H2BC12: variants seen among roughly 807,000 people sequenced by gnomAD.
H2BC12 encodes H2B clustered histone 12, also known as histone H2B type 1-K.
H2BC12 carries 6 observed loss-of-function variants against 6.3 expected under a neutral mutation model. The ratio of observed to expected loss-of-function variants is 0.95; its 90% CI spans 0.52 to 1.87. The LOEUF is 1.87. Among genes scored for constraint, H2BC12 ranks in the 40% most tolerant of loss-of-function variants. H2BC12 has a pLI of 0.01. For synonymous variants in H2BC12, 132 were observed against 78.5 expected (o/e 1.68, Z -3.60); for missense variants, 119 against 178.4 (o/e 0.67, Z 1.90).
the H2BC12 span, chr6:27,139,472 C>A: frequency 1.2e-6 from 2 of 1,614,170 alleles, no homozygotes; most frequent in Non-Finnish European, 1.7e-6. Flanking sequence ...TATGAGGAGA[C>A]CCGCGGAGTG....
the H2BC12 span, chr6:27,139,380 C>T: frequency 1.2e-6 from 2 of 1,614,242 alleles, no homozygotes; most frequent in South Asian, 1.1e-5. Context: ...AGGTGCTGCG[C>T]GACAACATCC....
the H2BC12 span, chr6:27,139,245 A>C: frequency 6.6e-7 from 1 of 1,515,736 alleles, no homozygotes; most frequent in Non-Finnish European, 8.9e-7. Flanking sequence ...TGGTCCGCAG[A>C]GGTTACCCAT....
chr6:27,139,306 A>G, the H2BC12 span: 6 of 1,601,400 alleles, frequency 3.7e-6, no homozygotes, highest in African/African-American at 4.0e-5. Context: ...TGACCACTTG[A>G]TAATGTCAGG....
chr6:27,142,366 G>A (rs371396521), downstream of H2BC12, among the ~76,000 whole-genome samples: 96 of 151,638 alleles, frequency 6.3e-4, 1 homozygote, highest in African/African-American at 2.1e-3. Context: ...TCCGCCTCCC[G>A]GGTTCAAGCA....
At chr6:27,142,615 A>T (rs11753378), downstream of H2BC12, among the ~76,000 whole-genome samples, 1,891 of 143,190 alleles carry the variant, frequency 0.013, 48 homozygotes, top group African/African-American at 0.044. Flanking sequence ...TACATGTATG[A>T]CGTATTACAT....
At chr6:27,139,665 G>A in the H2BC12 span, 1 of 1,562,810 alleles carries the variant, frequency 6.4e-7, no homozygotes, top group Non-Finnish European at 8.6e-7. Flanking sequence ...GCCCTTTTTA[G>A]GGCCCCTAAG....
At chr6:27,138,582 T>A in the H2BC12 span, 1 of 152,376 alleles carries the variant, frequency 6.6e-6, no homozygotes, top group South Asian at 2.1e-4. Context: ...ATTCTCGTCT[T>A]CTTTTCTGCA....
chr6:27,141,153 G>A, the H2BC12 span, among the ~76,000 whole-genome samples: 4 of 151,996 alleles, frequency 2.6e-5, no homozygotes, highest in African/African-American at 7.3e-5. Flanking sequence ...CATCAAGAGC[G>A]AGCTAAGGGA....
downstream of H2BC12, among the ~76,000 whole-genome samples, chr6:27,145,181 G>T (rs569906810): frequency 3.2e-4 from 48 of 152,236 alleles, no homozygotes; most frequent in African/African-American, 1.2e-3. Flanking sequence ...GATCAACAGT[G>T]AACATATGCT....
downstream of H2BC12, among the ~76,000 whole-genome samples, chr6:27,143,780 T>C (rs1760035656): frequency 6.6e-6 from 1 of 150,558 alleles, no homozygotes; most frequent in Non-Finnish European, 1.5e-5. Flanking sequence ...GCTGTAACAA[T>C]TGCTAGATTG....
chr6:27,145,913 G>A (rs1411428771), downstream of H2BC12, among the ~76,000 whole-genome samples: 1 of 152,196 alleles, frequency 6.6e-6, no homozygotes, highest in African/African-American at 2.4e-5. Flanking sequence ...GCAAGGCAGA[G>A]CTGGGTACAG....
chr6:27,143,846 T>TTA (rs1554184251), downstream of H2BC12, among the ~76,000 whole-genome samples: 1 of 113,628 alleles, frequency 8.8e-6, no homozygotes, highest in Non-Finnish European at 1.8e-5. Context: ...AACTACTCTT[T>TTA]AAAAAAAAAA....
downstream of H2BC12, among the ~76,000 whole-genome samples, chr6:27,144,669 C>T (rs954370442): frequency 9.9e-5 from 15 of 152,030 alleles, no homozygotes; most frequent in Non-Finnish European, 1.8e-4. Flanking sequence ...ATGATATGTC[C>T]ATTTGCAAAA....
chr6:27,139,489 G>T, the H2BC12 span: 1 of 1,614,174 alleles, frequency 6.2e-7, no homozygotes, highest in South Asian at 1.1e-5. Context: ...AGTGTTGAAG[G>T]TGTTCCTGGA....
chr6:27,146,276 A>C, downstream of H2BC12: 1 of 1,376,480 alleles, frequency 7.3e-7, no homozygotes, highest in African/African-American at 1.4e-5. Flanking sequence ...TCAGTGTGAT[A>C]AGATCATGAT....
rs376697914 is a variant in H2BC12 at position 27,146,823 on chromosome 6, G to C, written c.-25C>G. 2 of 1,609,218 alleles carry C rather than the reference G, an allele frequency of 1.2e-6. No homozygotes were observed. The highest frequency in any genetic ancestry group is 8.5e-7 in the Non-Finnish European group (1 of 1,177,734). On this transcript the variant is annotated 5_prime_UTR_variant, in exon 1 of 1. Transcript: ENST00000356950. Reference sequence around the variant, plus strand: ...TGTTGAAGGCGAACTACGAGCCTGAGACGAGCAGCAGATCGAGAAAACGGG... The same window carrying C: ...TGTTGAAGGCGAACTACGAGCCTGACACGAGCAGCAGATCGAGAAAACGGG...
chr6:27,140,890 T>G, the H2BC12 span, among the ~76,000 whole-genome samples: 1 of 151,484 alleles, frequency 6.6e-6, no homozygotes, highest in African/African-American at 2.4e-5. Context: ...ATATATTCTG[T>G]CACCTTGTGG....
chr6:27,139,402 A>C, the H2BC12 span: 1 of 1,614,204 alleles, frequency 6.2e-7, no homozygotes, highest in Non-Finnish European at 8.5e-7. Flanking sequence ...GGGTATCACC[A>C]AGCCAGCCAT....
chr6:27,146,281 C>T, downstream of H2BC12: 1 of 1,415,590 alleles, frequency 7.1e-7, no homozygotes, highest in South Asian at 1.3e-5. Flanking sequence ...GTGATAAGAT[C>T]ATGATAATCC....
Sources: allele counts gnomAD v4.1 joint callset (sites outside exome capture counted in the v4.1 genomes callset), GRCh38; gene constraint gnomAD v4.1.1; transcripts MANE v1.5; gene names NCBI Gene and HGNC (gene_info 2026-07-23, HGNC 2026-07-21).